Variants in IRS1 observed in about 807,000 individuals in gnomAD.
IRS1 encodes the protein insulin receptor substrate 1.
Under a neutral mutation model 65.6 loss-of-function variants are expected in IRS1, and 34 were observed. The ratio of observed to expected loss-of-function variants is 0.52; its 90% CI spans 0.39 to 0.69. The LOEUF (loss-of-function observed/expected upper bound fraction) is 0.69. IRS1 is among the 30% of genes least tolerant of loss of function. IRS1 has a pLI of 0.00. For missense variants in IRS1, 1,641 were observed against 1,720.2 expected (o/e 0.95, Z 0.81); for synonymous variants, 699 against 683.5 (o/e 1.02, Z -0.35).
chr2:226,751,274 ATTTTTTTTTTTTT>A (rs35699614), intron 1 of IRS1, among the ~76,000 whole-genome samples: 2 of 77,550 alleles, frequency 2.6e-5, no homozygotes, highest in Admixed American at 1.5e-4. Context: ...CCACACGGGT[ATTTTTTTTTTTTT>A]TTTTTTTTTT....
intron 1 of IRS1, among the ~76,000 whole-genome samples, chr2:226,751,083 T>C (rs1938668709): frequency 1.3e-5 from 2 of 152,286 alleles, no homozygotes; most frequent in Non-Finnish European, 2.9e-5. Flanking sequence ...GGGCTTTGAC[T>C]GCAGAAATAG....
intron 1 of IRS1, among the ~76,000 whole-genome samples, chr2:226,760,140 A>C (rs1236814150): frequency 6.6e-6 from 1 of 152,114 alleles, no homozygotes; most frequent in Non-Finnish European, 1.5e-5. Flanking sequence ...GTGCTACTGC[A>C]CTCCAGGCTG....
intron 1 of IRS1, among the ~76,000 whole-genome samples, chr2:226,791,660 G>T (rs1033200456): frequency 1.3e-5 from 2 of 151,580 alleles, no homozygotes; most frequent in Non-Finnish European, 2.9e-5. Context: ...ACCGCCAGGG[G>T]ACCCGCGGAG....
rs1559151941 is a variant in IRS1 at position 226,766,140 on chromosome 2, TATATATATATATATATATATA to T, written c.*21+28828_*21+28848del. On this transcript the variant is annotated intron_variant, in intron 1 of 1. Transcript: ENST00000305123. ...TTAATCTTATATATATATATATATA[TATATATATATATATATATATA>T]TATTTTTTTTTTTTTTTTTTGAGAC... Among the ~76,000 whole-genome samples the T allele has an allele frequency of 7.1e-4, 3 of 4,244 alleles. 1 individual carries two copies. The East Asian group carries it at 8.8e-3, about 12-fold the overall frequency. 2.8% of individuals were successfully genotyped at this position (4,244 alleles called of 152,430 possible).
intron 1 of IRS1, among the ~76,000 whole-genome samples, chr2:226,771,300 A>C (rs570882048): frequency 9.2e-5 from 14 of 152,194 alleles, no homozygotes; most frequent in Non-Finnish European, 1.9e-4. Context: ...GTTCCCAAGC[A>C]CATGGTATCA....
At chr2:226,757,540 C>A (rs561914794) in intron 1 of IRS1, among the ~76,000 whole-genome samples, 2 of 152,114 alleles carry the variant, frequency 1.3e-5, no homozygotes, top group East Asian at 3.9e-4. Flanking sequence ...TGCTTGAACC[C>A]GAAAGTGGAG....
At position 226,734,725 on chromosome 2, in the gene IRS1, T is replaced by C. The variant is rs923804123; in HGVS notation, c.*1547A>G. 6.6e-6 allele frequency: 1 copy of C among 152,212 alleles called. No homozygotes were observed. Among genetic ancestry groups the C allele is most frequent in the African/African-American group, 2.4e-5 (1 of 41,464 alleles). 9.4% of individuals were successfully genotyped at this position (152,212 alleles called of 1,614,324 possible). On this transcript the variant is annotated 3_prime_UTR_variant, in exon 2 of 2. Transcript: ENST00000305123. ...ATTTAACCTTTAGGAAGTTTCCTGG[T>C]AAAAAGATTTAAAAATCTGTCGGCA...
chr2:226,759,905 T>C (rs1341278773), intron 1 of IRS1, among the ~76,000 whole-genome samples: 2 of 152,240 alleles, frequency 1.3e-5, no homozygotes, highest in Non-Finnish European at 2.9e-5. Flanking sequence ...CTGGGTGCTG[T>C]GGCTCACACC....
chr2:226,788,519 C>T (rs10170579), intron 1 of IRS1, among the ~76,000 whole-genome samples: 3 of 152,122 alleles, frequency 2.0e-5, no homozygotes, highest in Non-Finnish European at 4.4e-5. Context: ...TATAGCAGAG[C>T]CTGCTGCAAG....
chr2:226,793,125 T>C (rs1939642885), intron 1 of IRS1, among the ~76,000 whole-genome samples: 1 of 152,236 alleles, frequency 6.6e-6, no homozygotes, highest in African/African-American at 2.4e-5. Flanking sequence ...AGAATTTTAT[T>C]TTAAAGCCCT....
chr2:226,755,340 T>C (rs1938774740), intron 1 of IRS1, among the ~76,000 whole-genome samples: 1 of 152,194 alleles, frequency 6.6e-6, no homozygotes, highest in Non-Finnish European at 1.5e-5. Context: ...ATTCCCTCTG[T>C]AGATCAAAAC....
At chr2:226,746,682 A>G (rs940213385) in intron 1 of IRS1, among the ~76,000 whole-genome samples, 2 of 150,942 alleles carry the variant, frequency 1.3e-5, no homozygotes, top group African/African-American at 4.9e-5. Flanking sequence ...TCTTACTTCC[A>G]CTTTGCTCCT....
intron 1 of IRS1, among the ~76,000 whole-genome samples, chr2:226,768,674 AG>A (rs1333851595): frequency 1.3e-5 from 2 of 152,130 alleles, no homozygotes; most frequent in Non-Finnish European, 2.9e-5. Flanking sequence ...TGCCATCAAA[AG>A]TTCTCCAAAA....
rs1420575354 is a variant in IRS1 at position 226,797,922 on chromosome 2, A to C, written c.817T>G (p.Ser273Ala). The C allele has an allele frequency of 6.2e-7, 1 of 1,613,938 alleles. No individual in the cohort carries two copies. Among genetic ancestry groups the C allele is most frequent in the Admixed American group, 1.7e-5 (1 of 60,004 alleles). ...CTGATGGGGTTAGAGCAGTTGGACG[A>C]GGACTGGCTCTTGCTGCGAGGGCGG... ...EFRPRSKSQS[S>A]SNCSNPISVP... Residue 273 changes from serine (S) to alanine (A), a missense_variant, in exon 1 of 2, where the codon TCG becomes GCG. Ser to Ala is a moderately conservative substitution (Grantham distance 99). Transcript: ENST00000305123. This position sits in a 1 kb window ranked among gnomAD's most constrained non-coding sequence, Gnocchi z 8.1.
rs1939717673 is a variant in IRS1 at position 226,796,156 on chromosome 2, C to G, written c.2583G>C (p.Leu861=). Residue 861 remains leucine (L), a synonymous_variant, in exon 1 of 2, where the codon CTG becomes CTC. Coordinates refer to ENST00000305123, the MANE Select transcript of IRS1 (RefSeq NM_005544.3). ...TNSRLARPTR[L]SLGDPKASTL... Reference sequence around the variant, plus strand: ...TGCTGGCCTTGGGATCCCCCAGGGACAGCCTCGTGGGCCGGGCCAGGCGGC... The same window carrying G: ...TGCTGGCCTTGGGATCCCCCAGGGAGAGCCTCGTGGGCCGGGCCAGGCGGC... 3.7e-6 allele frequency: 6 copies of G among 1,613,666 alleles called. No individual in the cohort carries two copies. Among genetic ancestry groups the G allele is most frequent in the Non-Finnish European group, 5.1e-6 (6 of 1,180,014 alleles).
Position 226,799,363 on chromosome 2 carries a change from T to C in IRS1, c.-625A>G. ...GAGACCGCGGCGCTGCGGCTGTTGCTGTTGCTGCTGCTGCTGCTGCTGCTG... is the reference window on the plus strand; with the variant it reads ...GAGACCGCGGCGCTGCGGCTGTTGCCGTTGCTGCTGCTGCTGCTGCTGCTG... On this transcript the variant is annotated 5_prime_UTR_variant, in exon 1 of 2. Transcript: ENST00000305123. This position sits in a 1 kb window ranked among gnomAD's most constrained non-coding sequence, Gnocchi z 6.1. The C allele has an allele frequency of 1.6e-6, 2 of 1,261,510 alleles. No homozygotes were observed. Among genetic ancestry groups the C allele is most frequent in the Non-Finnish European group, 1.0e-6 (1 of 970,536 alleles). 78.1% of individuals were successfully genotyped at this position (1,261,510 alleles called of 1,614,324 possible). A position where few individuals can be genotyped will look rare whatever the true frequency, so the allele number is the denominator to read the frequency against.
chr2:226,738,025 G>T (rs1938364239), intron 1 of IRS1, among the ~76,000 whole-genome samples: 1 of 152,190 alleles, frequency 6.6e-6, no homozygotes, highest in South Asian at 2.1e-4. Context: ...AGGAGGGATA[G>T]AAGGAATTAA....
At chr2:226,775,386 A>G (rs903927166) in intron 1 of IRS1, among the ~76,000 whole-genome samples, 2 of 152,250 alleles carry the variant, frequency 1.3e-5, no homozygotes, top group Admixed American at 6.5e-5. Context: ...TGGATCAAGG[A>G]TAGTAACAGC....
chr2:226,795,001 C>A lies in IRS1; in HGVS notation c.*9G>T. 6.2e-7 allele frequency: 1 copy of A among 1,613,270 alleles called. No individual in the cohort carries two copies. The highest frequency in any genetic ancestry group is 1.6e-4 in the Middle Eastern group (1 of 6,062). ...CCATGAAACGCACCTGCTGTGATGT[C>A]CAGTTGAGCTACTGACGGTCCTCTG... On this transcript the variant is annotated 3_prime_UTR_variant, in exon 1 of 2. Coordinates refer to ENST00000305123, the MANE Select transcript of IRS1 (RefSeq NM_005544.3).
Sources: gnomAD v4.1 joint callset for allele counts (sites outside exome capture counted in the v4.1 genomes callset) on GRCh38, gnomAD v4.1.1 for gene constraint, Gnocchi (gnomAD v3.1) non-coding constraint, MANE v1.5 for transcripts, NCBI Gene and HGNC (gene_info 2026-07-23, HGNC 2026-07-21) for gene names.